The following KATNIP variants were observed in gnomAD, a reference collection of about 807,000 sequenced individuals.
The protein encoded by KATNIP is katanin interacting protein.
In KATNIP, 126 loss-of-function variants were observed where a neutral mutation model predicts 174.0. The ratio of observed to expected loss-of-function variants is 0.72; its 90% CI spans 0.63 to 0.84. KATNIP has a LOEUF of 0.84. KATNIP is among the 40% of genes least tolerant of loss of function. The pLI, the probability that KATNIP is intolerant of heterozygous loss-of-function variation, is 0.00. For synonymous variants in KATNIP, 810 were observed against 835.7 expected (o/e 0.97, Z 0.53); for missense variants, 1,958 against 2,109.7 (o/e 0.93, Z 1.41).
chr16:27,601,418 G>A (rs2075520017), intron 2 of KATNIP, among the ~76,000 whole-genome samples: 1 of 152,118 alleles, frequency 6.6e-6, no homozygotes, highest in East Asian at 1.9e-4. Context: ...GAGCAAGGAG[G>A]GAAACATTGC....
At chr16:27,568,672 C>T (rs2090175687) in intron 1 of KATNIP, among the ~76,000 whole-genome samples, 1 of 152,132 alleles carries the variant, frequency 6.6e-6, no homozygotes, top group South Asian at 2.1e-4. Flanking sequence ...ACCCTGTTGG[C>T]CAGGATGGTC....
intron 14 of KATNIP, among the ~76,000 whole-genome samples, chr16:27,731,348 C>T (rs551690243): frequency 9.9e-5 from 15 of 152,266 alleles, no homozygotes; most frequent in African/African-American, 2.9e-4. Context: ...CAGCCAGCCT[C>T]GACGGGTCTA....
chr16:27,653,843 G>A (rs2077188159), intron 6 of KATNIP, among the ~76,000 whole-genome samples: 1 of 151,910 alleles, frequency 6.6e-6, no homozygotes, highest in African/African-American at 2.4e-5. Flanking sequence ...GGAGTTTTTT[G>A]GTAGAGATAG....
At chr16:27,574,149 C>A in intron 2 of KATNIP, 193 bp downstream of exon 2, 1 of 583,728 alleles carries the variant, frequency 1.7e-6, no homozygotes. Context: ...TTGTAATAAT[C>A]ACTTGTAATA....
chr16:27,720,783 C>G (rs1458136147), intron 13 of KATNIP, among the ~76,000 whole-genome samples: 1 of 152,154 alleles, frequency 6.6e-6, no homozygotes, highest in Non-Finnish European at 1.5e-5. Context: ...CTGGGTCGAG[C>G]CAGCGTGGAC....
intron 2 of KATNIP, among the ~76,000 whole-genome samples, chr16:27,576,512 C>T (rs1394638902): frequency 1.3e-5 from 2 of 152,008 alleles, no homozygotes; most frequent in East Asian, 1.9e-4. Context: ...GAAGTGGCTC[C>T]TGCCTATAAT....
intron 8 of KATNIP, among the ~76,000 whole-genome samples, chr16:27,688,815 A>G (rs551955853): frequency 6.6e-6 from 1 of 152,226 alleles, no homozygotes; most frequent in Non-Finnish European, 1.5e-5. Context: ...GGCTTCCTTT[A>G]CTATCTGCTT....
chr16:27,612,534 G>C (rs2075919539), intron 2 of KATNIP, among the ~76,000 whole-genome samples: 1 of 152,102 alleles, frequency 6.6e-6, no homozygotes, highest in Non-Finnish European at 1.5e-5. Flanking sequence ...CGAGGCAGGT[G>C]GATCACCTGA....
At chr16:27,616,298 G>A (rs1289821338) in intron 2 of KATNIP, among the ~76,000 whole-genome samples, 1 of 152,208 alleles carries the variant, frequency 6.6e-6, no homozygotes, top group Non-Finnish European at 1.5e-5. Flanking sequence ...GGGAGGCAGA[G>A]GTTGCAGTGA....
chr16:27,708,555 A>C, intron 12 of KATNIP, 150 bp from the exon 13 acceptor site: 1 of 598,474 alleles, frequency 1.7e-6, no homozygotes, highest in Non-Finnish European at 3.0e-6. Context: ...AACCATAGGT[A>C]GTGGGTGCTA....
chr16:27,661,749 AGTTT>A (rs1022648624), intron 6 of KATNIP, among the ~76,000 whole-genome samples: 1 of 145,710 alleles, frequency 6.9e-6, no homozygotes, highest in Non-Finnish European at 1.5e-5. Context: ...ACTAATTTAT[AGTTT>A]GTTTGTTTTT....
chr16:27,662,061 T>TATATACACATAC (rs2077538070), intron 6 of KATNIP, among the ~76,000 whole-genome samples: 1 of 96,012 alleles, frequency 1.0e-5, no homozygotes. Context: ...TATATATATA[T>TATATACACATAC]ATATATATAT....
At chr16:27,707,882 A>T (rs1016342719) in intron 12 of KATNIP, among the ~76,000 whole-genome samples, 2 of 152,052 alleles carry the variant, frequency 1.3e-5, no homozygotes, top group Non-Finnish European at 2.9e-5. Context: ...GTTAGATTGG[A>T]TTAGTGCCCC....
chr16:27,697,002 T>G (rs974459418), intron 8 of KATNIP, among the ~76,000 whole-genome samples: 7 of 152,154 alleles, frequency 4.6e-5, no homozygotes, highest in African/African-American at 1.7e-4. Flanking sequence ...GCGCTGAGAT[T>G]ACAGGCGTGA....
At chr16:27,667,098 A>T (rs989176425) in intron 6 of KATNIP, among the ~76,000 whole-genome samples, 3 of 152,084 alleles carry the variant, frequency 2.0e-5, no homozygotes, top group Middle Eastern at 3.2e-3. Context: ...AGGCAGGAGG[A>T]TCGCTTGAGC....
intron 6 of KATNIP, among the ~76,000 whole-genome samples, chr16:27,663,545 C>T (rs2077591096): frequency 6.6e-6 from 1 of 151,796 alleles, no homozygotes; most frequent in Admixed American, 6.6e-5. Context: ...GTCTCCCAGG[C>T]TCAAGTGATT....
intron 2 of KATNIP, among the ~76,000 whole-genome samples, chr16:27,617,533 G>A (rs1165174425): frequency 6.6e-6 from 1 of 152,196 alleles, no homozygotes; most frequent in African/African-American, 2.4e-5. Context: ...TCACTTTCAA[G>A]GTCATCTACG....
intron 5 of KATNIP, among the ~76,000 whole-genome samples, chr16:27,641,636 C>T (rs897824784): frequency 6.6e-6 from 1 of 152,180 alleles, no homozygotes; most frequent in Non-Finnish European, 1.5e-5. Flanking sequence ...ACGGCTTCCA[C>T]CACAAAGCCT....
chr16:27,771,126 G>A lies in KATNIP; in HGVS notation c.4134-462G>A, dbSNP rs117970976. The stretch of plus-strand genomic sequence containing the variant: ...GCCCTGTCACCCCGTCCTGGCTGTC[G>A]GCACAGCGTGGACCCTCCTTGTGTT... On this transcript the variant is annotated intron_variant, in intron 21 of 27. Transcript: ENST00000261588. 9.0e-4 allele frequency among the ~76,000 whole-genome samples: 137 copies of A among 152,272 alleles called. 1 individual carries two copies. In the East Asian group the frequency reaches 0.02, roughly 22 times the overall value.
Sources: gnomAD v4.1 joint callset for allele counts (sites outside exome capture counted in the v4.1 genomes callset) on GRCh38, gnomAD v4.1.1 for gene constraint, MANE v1.5 for transcripts, NCBI Gene and HGNC (gene_info 2026-07-23, HGNC 2026-07-21) for gene names.